The following TYW1B variants were observed in gnomAD, a reference collection of about 807,000 sequenced individuals.
TYW1B encodes the protein S-adenosyl-L-methionine-dependent tRNA 4-demethylwyosine synthase TYW1B.
Under a neutral mutation model 86.9 loss-of-function variants are expected in TYW1B, and 73 were observed. The ratio of observed to expected loss-of-function variants is 0.84; its 90% CI spans 0.70 to 1.02. The LOEUF (loss-of-function observed/expected upper bound fraction) is 1.02, where lower values mean the gene tolerates loss of function less well. Ranked by LOEUF, TYW1B falls within the 50% of genes least tolerant of loss-of-function variation. TYW1B has a pLI of 0.00. For missense variants in TYW1B, 637 were observed against 827.4 expected (o/e 0.77, Z 2.82); for synonymous variants, 248 against 292.8 (o/e 0.85, Z 1.56).
intron 13 of TYW1B, among the ~76,000 whole-genome samples, chr7:72,589,944 C>A (rs572209256): frequency 1.1e-4 from 17 of 152,332 alleles, no homozygotes; most frequent in African/African-American, 3.6e-4. Context: ...GGAAAAAGCA[C>A]AGGAAAGTCC....
chr7:72,604,826 T>C lies in TYW1B; in HGVS notation c.1785+11846A>G, dbSNP rs567591692. Among the ~76,000 whole-genome samples, 33 of 152,236 alleles carry C rather than the reference T, an allele frequency of 2.2e-4. No individual in the cohort carries two copies. In the South Asian group the frequency reaches 6.8e-3, roughly 32 times the overall value. On this transcript the variant is annotated intron_variant, in intron 13 of 13. Transcript: ENST00000620995. ...TGGTCATCTCCTTGTCCCTCTAGCT[T>C]AACCCTGAAACTAAAACATGCAGGC...
chr7:72,632,612 A>C (rs1554440160), intron 11 of TYW1B, among the ~76,000 whole-genome samples: 1 of 145,366 alleles, frequency 6.9e-6, no homozygotes, highest in East Asian at 2.0e-4. Flanking sequence ...GAGAGCCATG[A>C]TGGATTTATA....
chr7:72,777,499 A>T lies in TYW1B; in HGVS notation c.881T>A (p.Leu294Ter). The T allele has an allele frequency of 6.2e-7, 1 of 1,614,140 alleles. No individual in the cohort carries two copies. Among genetic ancestry groups the T allele is most frequent in the South Asian group, 1.1e-5 (1 of 91,074 alleles). Residue 294 changes from leucine (L) to a stop codon, truncating the protein, a stop_gained, in exon 7 of 14, where the codon TTG (leucine) becomes TAG (stop). Coordinates refer to ENST00000620995, the MANE Select transcript of TYW1B (RefSeq NM_001145440.3). LOFTEE classifies it high-confidence loss of function. ...TTCATTCCTCCCCATGTTCCTGAAC[A>T]AACCAGACTTCTCTTCCTGCTGTTC... Reference protein sequence around the residue: ...EKEQQEEKSGLFRNMGRNEDG... With the variant: ...EKEQQEEKSG
At chr7:72,669,667 A>G (rs1421767176) in intron 11 of TYW1B, among the ~76,000 whole-genome samples, 1 of 151,900 alleles carries the variant, frequency 6.6e-6, no homozygotes, top group South Asian at 2.1e-4. Context: ...CTACTTGGGA[A>G]GCTGAGGCAG....
At chr7:72,647,496 T>C (rs1554442191) in intron 11 of TYW1B, among the ~76,000 whole-genome samples, 1 of 152,194 alleles carries the variant, frequency 6.6e-6, no homozygotes, top group African/African-American at 2.4e-5. Context: ...TGATTTATGA[T>C]ATCACCCTTT....
chr7:72,745,849 GGGGTGTGTGTGTGTGTGTGTGTGT>G (rs1258362703), intron 7 of TYW1B, among the ~76,000 whole-genome samples: 2 of 130,024 alleles, frequency 1.5e-5, no homozygotes, highest in Non-Finnish European at 3.1e-5. Flanking sequence ...CACGTGTATA[GGGGTGTGTGTGTGTGTGTGTGTGT>G]GTGTGTGTGT....
chr7:72,808,763 G>A (rs1483519223), intron 4 of TYW1B, among the ~76,000 whole-genome samples: 1 of 151,924 alleles, frequency 6.6e-6, no homozygotes, highest in African/African-American at 2.4e-5. Context: ...CCGACCTCAG[G>A]TGATCCGCCC....
chr7:72,813,705 T>C (rs138704376), intron 3 of TYW1B, among the ~76,000 whole-genome samples: 2 of 152,288 alleles, frequency 1.3e-5, no homozygotes, highest in African/African-American at 4.8e-5. Flanking sequence ...GATGAAGAAA[T>C]TAAATCTTCA....
At chr7:72,789,056 C>G (rs1554472978) in intron 6 of TYW1B, among the ~76,000 whole-genome samples, 1 of 151,936 alleles carries the variant, frequency 6.6e-6, no homozygotes, top group South Asian at 2.1e-4. Context: ...GTCTCAAACT[C>G]CAGGGGTCAA....
Position 72,815,465 on chromosome 7 carries a change from A to T in TYW1B, c.152T>A (p.Leu51His), listed in dbSNP as rs782015914. Residue 51 changes from leucine (L) to histidine (H), a missense_variant, in exon 3 of 14, where the codon CTT becomes CAT. Physicochemically the swap from Leu to His is moderately conservative, Grantham distance 99 (BLOSUM62 -3). Transcript: ENST00000620995. ...ATCCAGGGACGTAACTGCTTCAGCA[A>T]GAACTGTTGCAAATCCCTAATAGGA... ...VIEMQGFATV[L>H]AEAVTSLDLP... The T allele has an allele frequency of 3.1e-6, 5 of 1,609,096 alleles. No homozygotes were observed. In the Admixed American group the frequency reaches 8.5e-5, roughly 27 times the overall value.
chr7:72,598,640 T>A (rs542350338), intron 13 of TYW1B, among the ~76,000 whole-genome samples: 4 of 152,278 alleles, frequency 2.6e-5, no homozygotes, highest in African/African-American at 9.6e-5. Context: ...TTAGTAAGTT[T>A]AATAGCCTGA....
At chr7:72,585,177 A>G (rs1242057965) in intron 13 of TYW1B, among the ~76,000 whole-genome samples, 1 of 152,100 alleles carries the variant, frequency 6.6e-6, no homozygotes, top group Non-Finnish European at 1.5e-5. Flanking sequence ...CAAAGAAAAA[A>G]CTTGTATCAT....
chr7:72,648,668 G>T (rs1554442376), intron 11 of TYW1B, among the ~76,000 whole-genome samples: 1 of 152,144 alleles, frequency 6.6e-6, no homozygotes, highest in Non-Finnish European at 1.5e-5. Context: ...TCGTAGGACA[G>T]TGTGGCCAGA....
chr7:72,599,153 C>T (rs1267041901), intron 13 of TYW1B, among the ~76,000 whole-genome samples: 1 of 152,060 alleles, frequency 6.6e-6, no homozygotes, highest in Non-Finnish European at 1.5e-5. Flanking sequence ...GTTAGCAAAT[C>T]AAATCCAACA....
chr7:72,629,501 C>T (rs372739672), intron 11 of TYW1B, among the ~76,000 whole-genome samples: 1 of 152,124 alleles, frequency 6.6e-6, no homozygotes, highest in Non-Finnish European at 1.5e-5. Flanking sequence ...ATCAATGTTG[C>T]CATTTGTGTG....
Position 72,744,460 on chromosome 7 carries a change from C to T in TYW1B, c.1082+24G>A, listed in dbSNP as rs546129513. Reference sequence around the variant, plus strand: ...CCACAGCTCATTACATATTCGATCACCATGACCTTTCATTTTTACTTACCA... The same window carrying T: ...CCACAGCTCATTACATATTCGATCATCATGACCTTTCATTTTTACTTACCA... On this transcript the variant is annotated intron_variant, in intron 8 of 13. Transcript: ENST00000620995. The T allele has an allele frequency of 3.4e-4, 540 of 1,604,146 alleles. 10 individuals carry two copies. In the South Asian group the frequency reaches 5.6e-3, roughly 17 times the overall value.
At chr7:72,590,694 AAC>A (rs1265216325) in intron 13 of TYW1B, among the ~76,000 whole-genome samples, 3 of 152,168 alleles carry the variant, frequency 2.0e-5, no homozygotes, top group African/African-American at 7.2e-5. Context: ...AGCAAAACAA[AAC>A]TCCAGAAAAC....
At chr7:72,798,210 T>C (rs1203809586) in intron 6 of TYW1B, among the ~76,000 whole-genome samples, 1 of 151,962 alleles carries the variant, frequency 6.6e-6, no homozygotes, top group Non-Finnish European at 1.5e-5. Context: ...GAGACCACGG[T>C]GAAACCCCGT....
chr7:72,643,347 G>A (rs1453730901), intron 11 of TYW1B, among the ~76,000 whole-genome samples: 1 of 152,176 alleles, frequency 6.6e-6, no homozygotes, highest in African/African-American at 2.4e-5. Context: ...AGCAGTTTGG[G>A]AGGCCGATGT....
Sources: allele counts gnomAD v4.1 joint callset (sites outside exome capture counted in the v4.1 genomes callset), GRCh38; gene constraint gnomAD v4.1.1; transcripts MANE v1.5; gene names NCBI Gene and HGNC (gene_info 2026-07-23, HGNC 2026-07-21).